CARS2: variants seen among roughly 807,000 people sequenced by gnomAD.
CARS2 encodes probable cysteine--tRNA ligase, mitochondrial.
A neutral mutation model predicts 68.8 loss-of-function variants in CARS2; 52 were observed. That is an observed-to-expected ratio of 0.76 (90% CI 0.61 to 0.95). The LOEUF (loss-of-function observed/expected upper bound fraction) is 0.95. Among genes scored for constraint, CARS2 ranks in the 40% least tolerant of loss-of-function variants. The pLI is 0.00. For synonymous variants in CARS2, 314 were observed against 303.6 expected (o/e 1.03, Z -0.36); for missense variants, 780 against 754.2 (o/e 1.03, Z -0.40).
chr13:110,705,495 T>C lies in CARS2; in HGVS notation c.275+26A>G, dbSNP rs751005106. 39 of 1,555,396 alleles carry C rather than the reference T, an allele frequency of 2.5e-5. No homozygotes were observed. The highest frequency in any genetic ancestry group is 1.5e-4 in the Admixed American group (8 of 51,918). ...CAAAAATAAATGGTCCTTTGAAGTA[T>C]GAAAATTCAAATCCAGGAAACTCAC... On this transcript the variant is annotated intron_variant, in intron 2 of 14. Coordinates refer to ENST00000257347, the MANE Select transcript of CARS2 (RefSeq NM_024537.4). The surrounding 1 kb of genome is among the most constrained non-coding windows in gnomAD (Gnocchi z 4.0).
Position 110,670,506 on chromosome 13 carries a change from A to G in CARS2, c.786-3033T>C, listed in dbSNP as rs1305001347. On this transcript the variant is annotated intron_variant, in intron 7 of 14. Coordinates refer to ENST00000257347, the MANE Select transcript of CARS2 (RefSeq NM_024537.4). The surrounding 1 kb of genome is among the most constrained non-coding windows in gnomAD (Gnocchi z 4.1). Reference sequence around the variant, plus strand: ...GCAGCTGAGGGTCCTGACTGTTAGAAGGAAAACTAACAAACAGAAAGGACA... The same window carrying G: ...GCAGCTGAGGGTCCTGACTGTTAGAGGGAAAACTAACAAACAGAAAGGACA... Among the ~76,000 whole-genome samples, 1 of 152,264 alleles carries G rather than the reference A, an allele frequency of 6.6e-6. No individual in the cohort carries two copies. The highest frequency in any genetic ancestry group is 2.4e-5 in the African/African-American group (1 of 41,478).
chr13:110,642,818 G>A (rs777558597), intron 13 of CARS2: 26 of 651,850 alleles, frequency 4.0e-5, no homozygotes, highest in Middle Eastern at 2.4e-4. Context: ...GAACACAAAC[G>A]CTCCCTGGCT....
intron 11 of CARS2, 134 bp downstream of exon 11, chr13:110,646,967 G>A: frequency 9.1e-7 from 1 of 1,100,014 alleles, no homozygotes; most frequent in Non-Finnish European, 1.3e-6. Flanking sequence ...GGCCTCTCTG[G>A]GCAGTCCCTG....
chr13:110,695,141 G>T (rs1472481090), intron 3 of CARS2, among the ~76,000 whole-genome samples: 2 of 152,008 alleles, frequency 1.3e-5, no homozygotes, highest in Non-Finnish European at 2.9e-5. Context: ...AATTAACTGG[G>T]CATGGTGACA....
intron 3 of CARS2, among the ~76,000 whole-genome samples, chr13:110,696,685 A>G (rs974475064): frequency 4.6e-5 from 7 of 152,226 alleles, no homozygotes; most frequent in Admixed American, 6.5e-5. Context: ...TCAAAAATTA[A>G]CTACTCTCTA....
chr13:110,650,250 G>C (rs1016640225), intron 10 of CARS2: 2 of 152,000 alleles, frequency 1.3e-5, no homozygotes, highest in Non-Finnish European at 2.9e-5. Flanking sequence ...GGCACACATC[G>C]CCATGCCTGG....
chr13:110,683,049 A>C lies in CARS2; in HGVS notation c.655+2T>G. ...CCACAGGGCTGAGCCCGGCCAACCC[A>C]CCTGGCTCTCCGACTGGACCAGGGA... On this transcript the variant is annotated splice_donor_variant, in intron 6 of 14. Transcript: ENST00000257347. LOFTEE classifies it high-confidence loss of function. 1 of 1,597,872 alleles carries C rather than the reference A, an allele frequency of 6.3e-7. No individual in the cohort carries two copies. The highest frequency in any genetic ancestry group is 2.3e-5 in the East Asian group (1 of 43,490).
rs773072391 is a variant in CARS2, at chr13:110,653,026, C to T, written c.988-1926G>A. Among the ~76,000 whole-genome samples, 2 of 152,208 alleles carry T rather than the reference C, an allele frequency of 1.3e-5. No homozygotes were observed. Among genetic ancestry groups the T allele is most frequent in the African/African-American group, 2.4e-5 (1 of 41,444 alleles). ...GATGGCAGCCATCAGACCCCACCCA[C>T]GCTGAGCTAACCGCTGAGTCAAGCA... On this transcript the variant is annotated intron_variant, in intron 9 of 14. Transcript: ENST00000257347. This position sits in a 1 kb window ranked among gnomAD's most constrained non-coding sequence, Gnocchi z 5.6.
At chr13:110,680,157 G>C (rs775669344) in intron 6 of CARS2, among the ~76,000 whole-genome samples, 7,314 of 150,652 alleles carry the variant, frequency 0.049, 401 homozygotes, top group East Asian at 0.18. Context: ...AGGGGGGGGG[G>C]GGGGGGGGTG....
At chr13:110,647,564 G>A (rs1402663788) in intron 10 of CARS2, among the ~76,000 whole-genome samples, 3 of 151,922 alleles carry the variant, frequency 2.0e-5, no homozygotes, top group Non-Finnish European at 4.4e-5. Flanking sequence ...AAGGAGCCCC[G>A]CCCTGGATGG....
chr13:110,644,580 A>C, intron 12 of CARS2, 97 bp from the exon 13 acceptor site: 1 of 1,548,388 alleles, frequency 6.5e-7, no homozygotes, highest in Non-Finnish European at 8.7e-7. Context: ...TCAGCAGGTC[A>C]CTTCAGTCTG....
chr13:110,702,886 C>T (rs1160020602), intron 2 of CARS2, among the ~76,000 whole-genome samples: 1 of 152,164 alleles, frequency 6.6e-6, no homozygotes, highest in Non-Finnish European at 1.5e-5. Flanking sequence ...CTCTTTCTGC[C>T]CCATTTTCTC....
chr13:110,678,269 G>A (rs770443416), intron 6 of CARS2, among the ~76,000 whole-genome samples: 18 of 152,302 alleles, frequency 1.2e-4, no homozygotes, highest in East Asian at 1.9e-4. Flanking sequence ...AGTGAAAGGC[G>A]CGTGATCGTG....
chr13:110,701,359 C>A, intron 3 of CARS2, 79 bp downstream of exon 3: 1 of 754,330 alleles, frequency 1.3e-6, no homozygotes, highest in South Asian at 1.5e-5. Context: ...CTACCACGCC[C>A]GGCCAAGAAC....
chr13:110,656,406 A>G (rs1440377311), intron 9 of CARS2, among the ~76,000 whole-genome samples: 1 of 152,248 alleles, frequency 6.6e-6, no homozygotes, highest in Non-Finnish European at 1.5e-5. Context: ...AGATCATTAC[A>G]TGCCGCGAGT....
intron 3 of CARS2, among the ~76,000 whole-genome samples, chr13:110,696,825 C>T (rs746861088): frequency 7.2e-5 from 11 of 152,238 alleles, no homozygotes; most frequent in Non-Finnish European, 1.5e-4. Context: ...CCCTTTACCA[C>T]GCTGGCCACC....
chr13:110,645,616 T>TCTC, intron 12 of CARS2: 1 of 199,752 alleles, frequency 5.0e-6, no homozygotes. Context: ...TTGGGGTAAA[T>TCTC]GGGTCTTTCC....
chr13:110,641,640 C>G, intron 14 of CARS2, 32 bp from the exon 15 acceptor site: 1 of 1,547,434 alleles, frequency 6.5e-7, no homozygotes, highest in South Asian at 1.1e-5. Context: ...CAACTCTGAG[C>G]AGACACCACG....
At chr13:110,713,088 C>T (rs1466223292) in intron 1 of CARS2, 14 of 1,442,502 alleles carry the variant, frequency 9.7e-6, no homozygotes, top group African/African-American at 1.4e-5. Flanking sequence ...CTTCCGCCTC[C>T]CGGAGGACTT....
Sources: gnomAD v4.1 joint callset for allele counts (sites outside exome capture counted in the v4.1 genomes callset) on GRCh38, gnomAD v4.1.1 for gene constraint, Gnocchi (gnomAD v3.1) non-coding constraint, MANE v1.5 for transcripts, NCBI Gene and HGNC (gene_info 2026-07-23, HGNC 2026-07-21) for gene names.